The following CHST9 variants were observed in gnomAD, a reference collection of about 807,000 sequenced individuals.
CHST9 encodes the protein carbohydrate sulfotransferase 9.
A neutral mutation model predicts 44.4 loss-of-function variants in CHST9; 41 were observed. The ratio of observed to expected loss-of-function variants is 0.92; its 90% CI spans 0.72 to 1.20. The LOEUF is 1.20. Ranked by LOEUF, CHST9 falls within the 50% of genes most tolerant of loss-of-function variation. CHST9 has a pLI of 0.00. For synonymous variants in CHST9, 171 were observed against 178.4 expected (o/e 0.96, Z 0.33); for missense variants, 504 against 516.5 (o/e 0.98, Z 0.23).
chr18:27,033,062 C>T (rs953172849), intron 3 of CHST9, among the ~76,000 whole-genome samples: 13 of 152,324 alleles, frequency 8.5e-5, no homozygotes, highest in African/African-American at 3.1e-4. Flanking sequence ...GTTCCCAGGG[C>T]TTTATTCAAT....
At chr18:27,044,065 C>CG (rs932499094) in intron 3 of CHST9, among the ~76,000 whole-genome samples, 3 of 149,302 alleles carry the variant, frequency 2.0e-5, no homozygotes, top group Admixed American at 6.7e-5. Context: ...GCCCTTCCCC[C>CG]CCCTTTATTT....
intron 2 of CHST9, among the ~76,000 whole-genome samples, chr18:27,082,998 G>A (rs1014761839): frequency 1.3e-5 from 2 of 152,108 alleles, no homozygotes; most frequent in Non-Finnish European, 2.9e-5. Context: ...GGTTATTAAA[G>A]TACAGGGTAT....
chr18:27,109,584 G>T (rs1488457033), intron 2 of CHST9, among the ~76,000 whole-genome samples: 1 of 152,202 alleles, frequency 6.6e-6, no homozygotes, highest in African/African-American at 2.4e-5. Context: ...CAATGTAGCT[G>T]CGACAGCTTG....
chr18:27,131,316 G>A (rs2058469772), intron 2 of CHST9, among the ~76,000 whole-genome samples: 1 of 152,112 alleles, frequency 6.6e-6, no homozygotes, highest in Non-Finnish European at 1.5e-5. Context: ...TTGGGAGGAT[G>A]AGGCAGGTGG....
At chr18:26,960,624 A>C (rs967650361) in intron 4 of CHST9, among the ~76,000 whole-genome samples, 1 of 152,218 alleles carries the variant, frequency 6.6e-6, no homozygotes, top group Admixed American at 6.5e-5. Context: ...GGAGTTATTT[A>C]TATCCTACTG....
intron 1 of CHST9, among the ~76,000 whole-genome samples, chr18:27,156,811 C>T (rs960707318): frequency 4.6e-5 from 7 of 151,970 alleles, no homozygotes; most frequent in Non-Finnish European, 1.0e-4. Flanking sequence ...AAAATAGAAA[C>T]ATCTGCACTT....
chr18:27,139,811 G>A (rs2058549874), intron 2 of CHST9, among the ~76,000 whole-genome samples: 1 of 152,038 alleles, frequency 6.6e-6, no homozygotes. Flanking sequence ...CTTAACCAAG[G>A]AAAATAATTT....
chr18:26,944,598 A>G (rs979793658), intron 4 of CHST9, among the ~76,000 whole-genome samples: 3 of 152,206 alleles, frequency 2.0e-5, no homozygotes, highest in East Asian at 1.9e-4. Context: ...TGGAAATCCA[A>G]TAAGGGTGAT....
rs561100895 is a variant in CHST9 at position 27,092,409 on chromosome 18, G to GTT, written c.122-43908_122-43907dup. 6.2e-3 allele frequency among the ~76,000 whole-genome samples: 932 copies of GTT among 150,538 alleles called. 7 individuals are homozygous for GTT. The highest frequency in any genetic ancestry group is 0.018 in the South Asian group (87 of 4,730). ...CAAAAAACCAGCTCCTGGATTCATT[G>GTT]TTTTTTTTTGAAGAGTTGTTTGTGT... On this transcript the variant is annotated intron_variant, in intron 2 of 5. Transcript: ENST00000618847.
intron 4 of CHST9, among the ~76,000 whole-genome samples, chr18:26,995,518 C>G (rs1260955102): frequency 6.6e-6 from 1 of 151,446 alleles, no homozygotes; most frequent in Non-Finnish European, 1.5e-5. Context: ...TGGCTGGATT[C>G]CCGACCCACA....
chr18:27,026,380 C>T (rs1231557335), intron 3 of CHST9, among the ~76,000 whole-genome samples: 1 of 152,102 alleles, frequency 6.6e-6, no homozygotes, highest in African/African-American at 2.4e-5. Flanking sequence ...CTAGTTTAGT[C>T]TTATGCATAT....
intron 2 of CHST9, among the ~76,000 whole-genome samples, chr18:27,058,830 G>A (rs1598683868): frequency 6.6e-6 from 1 of 152,224 alleles, no homozygotes; most frequent in African/African-American, 2.4e-5. Flanking sequence ...CCACAAAACT[G>A]CAAGCAAAAT....
At chr18:26,959,119 T>C (rs925158464) in intron 4 of CHST9, among the ~76,000 whole-genome samples, 4 of 152,222 alleles carry the variant, frequency 2.6e-5, no homozygotes, top group South Asian at 4.1e-4. Flanking sequence ...ATATACACCA[T>C]GGACTACTAT....
chr18:26,979,520 C>T (rs2056665951), intron 4 of CHST9, among the ~76,000 whole-genome samples: 1 of 152,090 alleles, frequency 6.6e-6, no homozygotes, highest in African/African-American at 2.4e-5. Flanking sequence ...TCTTCCTCAT[C>T]TTCCTTTGGT....
chr18:26,979,319 T>G (rs2056663685), intron 4 of CHST9, among the ~76,000 whole-genome samples: 1 of 152,222 alleles, frequency 6.6e-6, no homozygotes, highest in African/African-American at 2.4e-5. Flanking sequence ...CAATCACTGT[T>G]AACATTAGTT....
At chr18:27,160,814 C>A (rs2058740204) in intron 1 of CHST9, among the ~76,000 whole-genome samples, 1 of 152,124 alleles carries the variant, frequency 6.6e-6, no homozygotes, top group Non-Finnish European at 1.5e-5. Flanking sequence ...TTCAGAGATT[C>A]AACTTGTTCC....
intron 2 of CHST9, among the ~76,000 whole-genome samples, chr18:27,050,320 C>A (rs1050902779): frequency 6.6e-6 from 1 of 152,086 alleles, no homozygotes; most frequent in African/African-American, 2.4e-5. Flanking sequence ...AAACTGTGTA[C>A]CTGGGCAATG....
At chr18:27,123,982 T>C (rs1234281525) in intron 2 of CHST9, among the ~76,000 whole-genome samples, 1 of 152,168 alleles carries the variant, frequency 6.6e-6, no homozygotes. Context: ...CGTATGCCCT[T>C]ATGAAGTTAT....
chr18:26,937,373 C>T (rs1458796848), intron 5 of CHST9, among the ~76,000 whole-genome samples: 1 of 152,100 alleles, frequency 6.6e-6, no homozygotes, highest in African/African-American at 2.4e-5. Context: ...GGTCTCAGAA[C>T]AGACTGCTTC....
Sources: gnomAD v4.1 joint callset for allele counts (sites outside exome capture counted in the v4.1 genomes callset) on GRCh38, gnomAD v4.1.1 for gene constraint, MANE v1.5 for transcripts, NCBI Gene and HGNC (gene_info 2026-07-23, HGNC 2026-07-21) for gene names.